Variants in KNTC1 observed in about 807,000 individuals in gnomAD.
KNTC1 encodes the protein kinetochore associated 1, also known as kinetochore-associated protein 1.
KNTC1 carries 253 observed loss-of-function variants against 314.4 expected under a neutral mutation model. The ratio of observed to expected loss-of-function variants is 0.80; its 90% CI spans 0.73 to 0.89. KNTC1 has a LOEUF of 0.89. Among genes scored for constraint, KNTC1 ranks in the 40% least tolerant of loss-of-function variants. The pLI, the probability that KNTC1 is intolerant of heterozygous loss-of-function variation, is 0.00. For synonymous variants in KNTC1, 901 were observed against 901.4 expected, an observed-to-expected ratio of 1.00 and a Z score of 0.01; for missense variants, 2,475 against 2,572.9, an observed-to-expected ratio of 0.96 and a Z score of 0.82.
rs1039556063 is a variant in KNTC1, at chr12:122,604,714, T to C, written c.5175+77T>C. On this transcript the variant is annotated intron_variant, in intron 49 of 63. Coordinates refer to ENST00000333479, the MANE Select transcript of KNTC1 (RefSeq NM_014708.6). The stretch of plus-strand genomic sequence containing the variant: ...ACTAGCTTAATTTACCTTCTCATGC[T>C]GCCCTGGTGCCTAAAATGGAGAAGG... The C allele has an allele frequency of 4.0e-6, 5 of 1,238,276 alleles. No homozygotes were observed. The African/African-American group carries it at 7.5e-5, about 19-fold the overall frequency. The allele number at this position is 1,238,276 out of a possible 1,614,324, so 76.7% of individuals were successfully genotyped here.
intron 31 of KNTC1, among the ~76,000 whole-genome samples, chr12:122,578,743 A>G (rs1216578107): frequency 6.6e-6 from 1 of 152,068 alleles, no homozygotes; most frequent in East Asian, 1.9e-4. Flanking sequence ...TTAAACCCCT[A>G]AGGATAGATA....
intron 59 of KNTC1, 41 bp downstream of exon 59, chr12:122,618,586 G>C (rs769266954): frequency 7.0e-7 from 1 of 1,438,702 alleles, no homozygotes; most frequent in African/African-American, 1.4e-5. Context: ...AAAAAAGTTT[G>C]TTGCTTATAA....
At chr12:122,602,380 A>C in intron 45 of KNTC1, 189 bp from the exon 46 acceptor site, 1 of 467,496 alleles carries the variant, frequency 2.1e-6, no homozygotes, top group Non-Finnish European at 3.7e-6. Context: ...GGATTCCTTT[A>C]ATCATTGTAT....
At position 122,597,806 on chromosome 12, in the gene KNTC1, A is replaced by G. The variant is rs778884509; in HGVS notation, c.4431A>G (p.Gln1477=). 1.2e-6 allele frequency: 2 copies of G among 1,614,056 alleles called. No homozygotes were observed. Among genetic ancestry groups the G allele is most frequent in the South Asian group, 1.1e-5 (1 of 91,086 alleles). Residue 1477 remains glutamine (Q), a synonymous_variant, in exon 44 of 64, where the codon CAA becomes CAG. Coordinates refer to ENST00000333479, the MANE Select transcript of KNTC1 (RefSeq NM_014708.6). ...ETLLHNTNAG[Q]GQGDASMDSA... is the part of the protein sequence containing the mutation. Reference sequence around the variant, plus strand: ...TGCTCCACAACACAAATGCCGGCCAAGGCCAGGGAGATGCAAGCATGGACT... The same window carrying G: ...TGCTCCACAACACAAATGCCGGCCAGGGCCAGGGAGATGCAAGCATGGACT...
intron 13 of KNTC1, 79 bp downstream of exon 13, chr12:122,549,943 C>G: frequency 2.6e-6 from 2 of 764,338 alleles, no homozygotes; most frequent in Non-Finnish European, 4.3e-6. Flanking sequence ...TGATTAAAAG[C>G]CTTAATAATT....
intron 8 of KNTC1, among the ~76,000 whole-genome samples, chr12:122,545,577 A>G (rs929884958): frequency 2.0e-5 from 3 of 152,218 alleles, no homozygotes; most frequent in Non-Finnish European, 4.4e-5. Flanking sequence ...ATCAAAGACT[A>G]TATTTTAATC....
chr12:122,564,533 A>G (rs1418583985), intron 20 of KNTC1, among the ~76,000 whole-genome samples: 1 of 152,012 alleles, frequency 6.6e-6, no homozygotes, highest in Non-Finnish European at 1.5e-5. Flanking sequence ...TAATCCCAAC[A>G]CTTTGGGATG....
At chr12:122,575,366 G>A (rs1182026091) in intron 27 of KNTC1, among the ~76,000 whole-genome samples, 177 bp from the exon 28 acceptor site, 2 of 152,216 alleles carry the variant, frequency 1.3e-5, no homozygotes, top group Admixed American at 1.3e-4. Context: ...TTTCTGAATA[G>A]TCAAATTGTT....
At chr12:122,578,648 G>A (rs558365599) in intron 31 of KNTC1, among the ~76,000 whole-genome samples, 2 of 152,224 alleles carry the variant, frequency 1.3e-5, no homozygotes, top group African/African-American at 4.8e-5. Flanking sequence ...TCAAACTCCT[G>A]ACGCCAACTG....
At chr12:122,546,384 CA>C in intron 9 of KNTC1, 115 bp downstream of exon 9, 1 of 692,970 alleles carries the variant, frequency 1.4e-6, no homozygotes, top group Non-Finnish European at 2.5e-6. Flanking sequence ...TGAAACAAGC[CA>C]GAATAGCTTG....
At chr12:122,549,988 G>T in intron 13 of KNTC1, 124 bp downstream of exon 13, 1 of 565,322 alleles carries the variant, frequency 1.8e-6, no homozygotes. Context: ...TGGAAACCTG[G>T]ATAAATTTCA....
At chr12:122,566,788 G>T (rs1476783237) in intron 20 of KNTC1, among the ~76,000 whole-genome samples, 1 of 120,338 alleles carries the variant, frequency 8.3e-6, no homozygotes, top group Non-Finnish European at 1.8e-5. Flanking sequence ...TTGAGGTGGG[G>T]TCTCACTCTG....
In KNTC1 at chr12:122,597,790, A is replaced by C. The variant is rs761365330; in HGVS notation, c.4415A>C (p.Asn1472Thr). The change falls in exon 44 of 64, where the codon AAC becomes ACC. Residue 1472 changes from asparagine (N) to threonine (T), a missense_variant. Asn to Thr is a moderately conservative substitution (Grantham distance 65). Transcript: ENST00000333479. ...LQLFIETLLH[N>T]TNAGQGQGDA... The stretch of plus-strand genomic sequence containing the variant: ...CTCTTCATTGAAACGCTGCTCCACA[A>C]CACAAATGCCGGCCAAGGCCAGGGA... 6.2e-7 allele frequency: 1 copy of C among 1,614,008 alleles called. No individual in the cohort carries two copies. The highest frequency in any genetic ancestry group is 8.5e-7 in the Non-Finnish European group (1 of 1,179,880).
At chr12:122,562,522 G>A in intron 19 of KNTC1, 116 bp from the exon 20 acceptor site, 1 of 647,970 alleles carries the variant, frequency 1.5e-6, no homozygotes, top group Non-Finnish European at 2.8e-6. Flanking sequence ...ATTGAGTTGT[G>A]ATGTGAGATA....
chr12:122,580,296 A>G (rs1040053843), intron 32 of KNTC1, among the ~76,000 whole-genome samples: 2 of 152,214 alleles, frequency 1.3e-5, no homozygotes, highest in East Asian at 1.9e-4. Flanking sequence ...GGGAGAAGCC[A>G]TTTGACTGGA....
chr12:122,531,614 CATT>C (rs143089264), intron 2 of KNTC1, among the ~76,000 whole-genome samples: 5,396 of 152,124 alleles, frequency 0.035, 346 homozygotes, highest in African/African-American at 0.12. Flanking sequence ...TATTTTTTGT[CATT>C]ATTTATTAGA....
At chr12:122,533,125 G>C (rs1252363621) in intron 2 of KNTC1, among the ~76,000 whole-genome samples, 1 of 151,374 alleles carries the variant, frequency 6.6e-6, no homozygotes, top group African/African-American at 2.4e-5. Context: ...AGTCTAGAGA[G>C]AACAGTGTGG....
At chr12:122,571,178 G>A in intron 24 of KNTC1, 52 bp downstream of exon 24, 2 of 1,342,962 alleles carry the variant, frequency 1.5e-6, no homozygotes, top group Non-Finnish European at 2.1e-6. Flanking sequence ...TTACCTGAAA[G>A]GGTTTGTCTG....
chr12:122,620,738 T>C, intron 60 of KNTC1, 130 bp downstream of exon 60: 1 of 920,030 alleles, frequency 1.1e-6, no homozygotes, highest in South Asian at 1.8e-5. Flanking sequence ...TGTGTGAAGC[T>C]TGTATGGGGG....
Sources: allele counts gnomAD v4.1 joint callset (sites outside exome capture counted in the v4.1 genomes callset), GRCh38; gene constraint gnomAD v4.1.1; transcripts MANE v1.5; gene names NCBI Gene and HGNC (gene_info 2026-07-23, HGNC 2026-07-21).